SYNJ2: variants seen among roughly 807,000 people sequenced by gnomAD.
SYNJ2 encodes synaptojanin 2.
Under a neutral mutation model 141.3 loss-of-function variants are expected in SYNJ2, and 116 were observed. The ratio of observed to expected loss-of-function variants is 0.82; its 90% confidence interval spans 0.71 to 0.96. SYNJ2 has a LOEUF of 0.96. Ranked by LOEUF, SYNJ2 falls within the 40% of genes least tolerant of loss-of-function variation. The pLI is 0.00. For synonymous variants in SYNJ2, 745 were observed against 777.7 expected (o/e 0.96, Z 0.70); for missense variants, 1,873 against 1,934.8 (o/e 0.97, Z 0.60).
chr6:158,000,547 C>T (rs561887798), intron 1 of SYNJ2, among the ~76,000 whole-genome samples: 152 of 152,262 alleles, frequency 1.0e-3, no homozygotes, highest in Middle Eastern at 6.8e-3. Flanking sequence ...CACCAAACAA[C>T]AACAAATAAA....
intron 23 of SYNJ2, among the ~76,000 whole-genome samples, 173 bp downstream of exon 23, chr6:158,087,162 G>A (rs769511764): frequency 6.7e-4 from 102 of 152,154 alleles, no homozygotes; most frequent in Non-Finnish European, 1.4e-3. Context: ...TTGACGTCAG[G>A]GCTGGTTGTG....
Position 158,086,915 on chromosome 6 carries a change from G to A in SYNJ2, c.3269G>A (p.Arg1090His), listed in dbSNP as rs141300011. Reference sequence around the variant, plus strand: ...GAAGCCGTCGGGGAGTTCCGCCACCGTTCTCCGAGCAGGTCTCTGTCGGTC... The same window carrying A: ...GAAGCCGTCGGGGAGTTCCGCCACCATTCTCCGAGCAGGTCTCTGTCGGTC... ...ELEAVGEFRH[R>H]SPSRSLSVPN... The change falls in exon 23 of 27, where the codon CGT (arginine) becomes CAT (histidine). Residue 1090 changes from arginine (R) to histidine (H), a missense_variant. Transcript: ENST00000355585. 19 of 1,609,468 alleles carry A rather than the reference G, an allele frequency of 1.2e-5. No individual in the cohort carries two copies. Among genetic ancestry groups the A allele is most frequent in the African/African-American group, 9.3e-5 (7 of 74,918 alleles).
At position 158,093,089 on chromosome 6, in the gene SYNJ2, G is replaced by A. The variant is rs770957876; in HGVS notation, c.3729G>A (p.Leu1243=). ...PRVPAIKKPT[L]RRTGKPLSPE... ...TTCCTGCCATCAAGAAGCCAACCTTGAGAAGGACAGGAAAGGTAAAAGCCT... is the reference window on the plus strand; with the variant it reads ...TTCCTGCCATCAAGAAGCCAACCTTAAGAAGGACAGGAAAGGTAAAAGCCT... The change falls in exon 26 of 27, where the codon TTG becomes TTA. Residue 1243 remains leucine (L), a synonymous_variant. Coordinates refer to ENST00000355585, the MANE Select transcript of SYNJ2 (RefSeq NM_003898.4). 2 of 1,610,184 alleles carry A rather than the reference G, an allele frequency of 1.2e-6. No homozygotes were observed. The highest frequency in any genetic ancestry group is 1.7e-6 in the Non-Finnish European group (2 of 1,178,954).
rs555888594 is a variant in SYNJ2, at chr6:158,053,750, C to T, written c.796-1217C>T. Among the ~76,000 whole-genome samples the T allele has an allele frequency of 3.3e-5, 5 of 151,246 alleles. No individual in the cohort carries two copies. The South Asian group carries it at 1.0e-3, about 32-fold the overall frequency. On this transcript the variant is annotated intron_variant, in intron 5 of 26. Transcript: ENST00000355585. ...CCAGCCATCAATCCACCCAGCCATCCACCCATCCATGCACCCACCCATCCA... is the reference window on the plus strand; with the variant it reads ...CCAGCCATCAATCCACCCAGCCATCTACCCATCCATGCACCCACCCATCCA...
chr6:158,017,289 TG>T lies in SYNJ2; in HGVS notation c.214+1del. 6.2e-7 allele frequency: 1 copy of T among 1,612,470 alleles called. No homozygotes were observed. Among genetic ancestry groups the T allele is most frequent in the Non-Finnish European group, 8.5e-7 (1 of 1,179,530 alleles). On this transcript the variant is annotated frameshift_variant and splice_region_variant, in exon 2 of 27. Coordinates refer to ENST00000355585, the MANE Select transcript of SYNJ2 (RefSeq NM_003898.4). LOFTEE classifies it high-confidence loss of function. ...GCCTGGGGGAGCTGAGGCTGAAATC[TG>T]GTGAGTAGCCGCTCGCTGGAGGAGC... ...GCLGELRLKS[G>X]GTSLSFLVLV...
upstream of SYNJ2, among the ~76,000 whole-genome samples, chr6:157,981,314 G>C (rs1436348334): frequency 6.6e-6 from 1 of 152,244 alleles, no homozygotes; most frequent in Non-Finnish European, 1.5e-5. This position sits in a 1 kb window ranked among gnomAD's most constrained non-coding sequence, Gnocchi z 6.4. Context: ...GCTAGTGAAA[G>C]GTAACCTTTC....
rs768962624 is a variant in SYNJ2, at chr6:158,033,482, G to A, written c.513G>A (p.Arg171=). The change falls in exon 4 of 27, where the codon AGG becomes AGA. Residue 171 remains arginine (R), a synonymous_variant. Transcript: ENST00000355585. The stretch of plus-strand genomic sequence containing the variant: ...ACCAGCTGTTGCACGTGCCCTTGAG[G>A]CAGCACCAGGTGAGCTGCTGTGACT... The part of the protein sequence containing the change: ...FWNQLLHVPL[R]QHQVSCCDWL... The A allele has an allele frequency of 1.2e-6, 2 of 1,614,190 alleles. No homozygotes were observed. The highest frequency in any genetic ancestry group is 3.3e-5 in the Admixed American group (2 of 60,036).
chr6:158,021,311 T>C (rs1778758637), intron 2 of SYNJ2, among the ~76,000 whole-genome samples: 1 of 152,236 alleles, frequency 6.6e-6, no homozygotes, highest in Admixed American at 6.5e-5. Flanking sequence ...ACAGCTGAAC[T>C]GCATTTAATC....
At chr6:158,016,641 C>T (rs900423840) in intron 1 of SYNJ2, among the ~76,000 whole-genome samples, 15 of 152,182 alleles carry the variant, frequency 9.9e-5, no homozygotes, top group Non-Finnish European at 2.1e-4. Flanking sequence ...TGGTTCTTCC[C>T]TCTGTCAGTT....
intron 4 of SYNJ2, among the ~76,000 whole-genome samples, chr6:158,034,101 T>C (rs1190456374): frequency 6.6e-6 from 1 of 152,180 alleles, no homozygotes; most frequent in Non-Finnish European, 1.5e-5. Flanking sequence ...CTAAATCAAC[T>C]GAAGCTTCTC....
At chr6:158,094,417 A>AAC (rs1357663935) in intron 26 of SYNJ2, among the ~76,000 whole-genome samples, 1 of 138,884 alleles carries the variant, frequency 7.2e-6, no homozygotes, top group Non-Finnish European at 1.6e-5. Context: ...AAAAAAAAAA[A>AAC]ACACCCATCC....
intron 11 of SYNJ2, among the ~76,000 whole-genome samples, chr6:158,065,514 T>C (rs1583446704): frequency 2.0e-5 from 3 of 152,184 alleles, no homozygotes; most frequent in South Asian, 2.1e-4. Flanking sequence ...GAGGTTCCTT[T>C]GGGAGCATTT....
chr6:158,051,404 G>A (rs929971334), intron 5 of SYNJ2, among the ~76,000 whole-genome samples: 9 of 152,068 alleles, frequency 5.9e-5, no homozygotes, highest in South Asian at 2.1e-4. Context: ...CAGGCCTCTC[G>A]GTAGTGCGAC....
Position 157,982,398 on chromosome 6 carries a change from GTGT to G in SYNJ2, c.127+313_127+315del, listed in dbSNP as rs1777048514. ...TTTGCGTATTCATGAGGATCCCGGG[GTGT>G]TGACTTAGCCGGCCTGACCCTGTGC... On this transcript the variant is annotated intron_variant, in intron 1 of 26. Transcript: ENST00000355585. The surrounding 1 kb of genome is among the most constrained non-coding windows in gnomAD (Gnocchi z 4.0). 6.6e-6 allele frequency among the ~76,000 whole-genome samples: 1 copy of G among 152,218 alleles called. No individual in the cohort carries two copies. Among genetic ancestry groups the G allele is most frequent in the South Asian group, 2.1e-4 (1 of 4,830 alleles).
At chr6:158,059,048 C>T (rs746741587) in intron 6 of SYNJ2, among the ~76,000 whole-genome samples, 3 of 152,268 alleles carry the variant, frequency 2.0e-5, no homozygotes, top group Non-Finnish European at 4.4e-5. Flanking sequence ...TAGAAGTCTA[C>T]GCTAGCTAGT....
chr6:158,069,750 T>TC (rs2128373044), intron 14 of SYNJ2, 77 bp downstream of exon 14: 1 of 1,437,932 alleles, frequency 7.0e-7, no homozygotes, highest in South Asian at 1.6e-5. Flanking sequence ...GACTTCCCCC[T>TC]CCTCCCCCAT....
intron 26 of SYNJ2, chr6:158,094,120 C>T (rs922772222): frequency 3.2e-5 from 21 of 647,312 alleles, no homozygotes; most frequent in South Asian, 7.6e-5. Context: ...CTCTTGACAG[C>T]GCTTGCTTTG....
At chr6:158,018,045 C>G (rs1210845153) in intron 2 of SYNJ2, among the ~76,000 whole-genome samples, 19 of 152,122 alleles carry the variant, frequency 1.2e-4, no homozygotes, top group Admixed American at 1.2e-3. Context: ...GAGTTGTCAG[C>G]AGGAGAAAAA....
intron 8 of SYNJ2, among the ~76,000 whole-genome samples, chr6:158,063,089 T>A (rs1781324480): frequency 6.6e-6 from 1 of 152,204 alleles, no homozygotes; most frequent in Non-Finnish European, 1.5e-5. Context: ...AAAACAAGGT[T>A]GTATATTGAT....
Sources: gnomAD v4.1 joint callset for allele counts (sites outside exome capture counted in the v4.1 genomes callset) on GRCh38, gnomAD v4.1.1 for gene constraint, Gnocchi (gnomAD v3.1) non-coding constraint, MANE v1.5 for transcripts, NCBI Gene and HGNC (gene_info 2026-07-23, HGNC 2026-07-21) for gene names.